Variants in SPOCK3 observed in about 807,000 individuals in gnomAD.
The protein encoded by SPOCK3 is SPARC (osteonectin), cwcv and kazal like domains proteoglycan 3.
SPOCK3 carries 30 observed loss-of-function variants against 56.6 expected under a neutral mutation model. The observed-to-expected ratio is 0.53, with a 90% confidence interval of 0.40 to 0.72. The LOEUF (loss-of-function observed/expected upper bound fraction) is 0.72, where lower values mean the gene tolerates loss of function less well. Ranked by LOEUF, SPOCK3 falls within the 30% of genes least tolerant of loss-of-function variation. The pLI, the probability that SPOCK3 is intolerant of heterozygous loss-of-function variation, is 0.00. For synonymous variants in SPOCK3, 196 were observed against 183.3 expected, an observed-to-expected ratio of 1.07 and a Z score of -0.56; for missense variants, 527 against 530.0, an observed-to-expected ratio of 0.99 and a Z score of 0.06.
At chr4:167,092,603 A>G (rs1758798883) in intron 2 of SPOCK3, among the ~76,000 whole-genome samples, 1 of 152,232 alleles carries the variant, frequency 6.6e-6, no homozygotes, top group Non-Finnish European at 1.5e-5. Flanking sequence ...AAATTACCAG[A>G]ATATCCGAAA....
chr4:167,231,405 G>A (rs895870296), intron 2 of SPOCK3, among the ~76,000 whole-genome samples: 39 of 151,864 alleles, frequency 2.6e-4, no homozygotes, highest in African/African-American at 9.2e-4. Flanking sequence ...TATATTTTAT[G>A]GGAAAAAAGC....
At chr4:167,063,547 T>C (rs1483881202) in intron 2 of SPOCK3, among the ~76,000 whole-genome samples, 2 of 151,882 alleles carry the variant, frequency 1.3e-5, no homozygotes. Context: ...TTTGTATCAA[T>C]GTAAGGGGTA....
chr4:166,914,603 T>C lies in SPOCK3; in HGVS notation c.351-1860A>G, dbSNP rs531577369. Among the ~76,000 whole-genome samples, 14 of 152,138 alleles carry C rather than the reference T, an allele frequency of 9.2e-5. No individual in the cohort carries two copies. The East Asian group carries it at 2.7e-3, about 30-fold the overall frequency. On this transcript the variant is annotated intron_variant, in intron 4 of 10. Transcript: ENST00000357545. Reference sequence around the variant, plus strand: ...CTGACCAACATGGAGAAATCCCGTCTCTACTAAAAATACAAAATTAGCCAG... The same window carrying C: ...CTGACCAACATGGAGAAATCCCGTCCCTACTAAAAATACAAAATTAGCCAG...
At chr4:166,950,256 G>A (rs1270838390) in intron 4 of SPOCK3, among the ~76,000 whole-genome samples, 10 of 151,114 alleles carry the variant, frequency 6.6e-5, no homozygotes, top group African/African-American at 2.4e-4. Context: ...CCAAGCAAAT[G>A]GAAAACAAAA....
chr4:166,800,208 G>GAAAAAAAAAAAAAAAAAAAAAA (rs1207796263), intron 6 of SPOCK3, among the ~76,000 whole-genome samples: 77 of 112,978 alleles, frequency 6.8e-4, no homozygotes, highest in East Asian at 5.8e-3. Context: ...AAAAAAAAAT[G>GAAAAAAAAAAAAAAAAAAAAAA]AAAACATGGA....
chr4:167,094,290 T>C (rs1282674576), intron 2 of SPOCK3, among the ~76,000 whole-genome samples: 1 of 152,118 alleles, frequency 6.6e-6, no homozygotes, highest in Non-Finnish European at 1.5e-5. Flanking sequence ...ATTATTTTCT[T>C]CCTGCTCACT....
intron 2 of SPOCK3, among the ~76,000 whole-genome samples, chr4:167,119,473 T>C (rs1761692470): frequency 6.6e-6 from 1 of 152,168 alleles, no homozygotes; most frequent in Non-Finnish European, 1.5e-5. Context: ...AAATAAGTTC[T>C]GCCAATAAAT....
At chr4:166,948,226 A>G (rs955257923) in intron 4 of SPOCK3, among the ~76,000 whole-genome samples, 1 of 152,082 alleles carries the variant, frequency 6.6e-6, no homozygotes, top group Non-Finnish European at 1.5e-5. Flanking sequence ...TCCATTGTGC[A>G]TATATACCAC....
At chr4:167,024,247 C>T (rs1194157313) in intron 3 of SPOCK3, among the ~76,000 whole-genome samples, 3 of 151,862 alleles carry the variant, frequency 2.0e-5, no homozygotes, top group Non-Finnish European at 4.4e-5. Context: ...CAGTCTTTTC[C>T]CTGACGTTTT....
chr4:166,740,683 G>A (rs534991988), intron 9 of SPOCK3, among the ~76,000 whole-genome samples: 12 of 151,928 alleles, frequency 7.9e-5, no homozygotes, highest in South Asian at 2.1e-4. Flanking sequence ...ACACCACCAC[G>A]CCAGGCTAAT....
At chr4:167,007,493 A>G (rs1272842482) in intron 3 of SPOCK3, among the ~76,000 whole-genome samples, 1 of 151,932 alleles carries the variant, frequency 6.6e-6, no homozygotes, top group Non-Finnish European at 1.5e-5. Flanking sequence ...GAATCCACAG[A>G]TGTGGAGACT....
chr4:166,968,201 G>A (rs987788091), intron 4 of SPOCK3, among the ~76,000 whole-genome samples: 2 of 152,188 alleles, frequency 1.3e-5, no homozygotes, highest in Non-Finnish European at 2.9e-5. Context: ...TTAAAAGGAA[G>A]CAGAGCATAA....
chr4:167,111,165 TTA>T (rs1760871598), intron 2 of SPOCK3, among the ~76,000 whole-genome samples: 1 of 152,076 alleles, frequency 6.6e-6, no homozygotes, highest in South Asian at 2.1e-4. Flanking sequence ...TATGTATACT[TTA>T]TATGAAATTA....
intron 10 of SPOCK3, among the ~76,000 whole-genome samples, chr4:166,735,772 G>T (rs1366285239): frequency 6.6e-6 from 1 of 151,948 alleles, no homozygotes; most frequent in East Asian, 1.9e-4. Flanking sequence ...AGCTTCCAGA[G>T]AGGAGCACCA....
In SPOCK3 at chr4:166,917,443, T is replaced by TA. The variant is rs535007786; in HGVS notation, c.351-4701dup. On this transcript the variant is annotated intron_variant, in intron 4 of 10. Coordinates refer to ENST00000357545, the MANE Select transcript of SPOCK3 (RefSeq NM_001040159.2). ...GGAGGGATGTGGTTGGATTATGACGTAAAAAACCTAAGCTGGCTGAAAAAC... is the reference window on the plus strand; with the variant it reads ...GGAGGGATGTGGTTGGATTATGACGTAAAAAAACCTAAGCTGGCTGAAAAAC... Among the ~76,000 whole-genome samples the TA allele has an allele frequency of 2.4e-4, 36 of 152,224 alleles. No individual in the cohort carries two copies. In the East Asian group the frequency reaches 7.0e-3, roughly 29 times the overall value.
At chr4:167,109,392 TATATATTTATATATAA>T (rs1760652170) in intron 2 of SPOCK3, among the ~76,000 whole-genome samples, 2 of 84,256 alleles carry the variant, frequency 2.4e-5, no homozygotes, top group Admixed American at 2.0e-4. Context: ...AATATATAAA[TATATATTTATATATAA>T]ATATATATAT....
intron 2 of SPOCK3, among the ~76,000 whole-genome samples, chr4:167,125,137 C>T (rs1762155987): frequency 6.6e-6 from 1 of 151,424 alleles, no homozygotes; most frequent in South Asian, 2.1e-4. Context: ...TGTATTTATC[C>T]TTCTTATGGG....
intron 6 of SPOCK3, among the ~76,000 whole-genome samples, chr4:166,860,804 T>TATATATATATATAC: frequency 7.0e-6 from 1 of 141,912 alleles, no homozygotes; most frequent in Non-Finnish European, 1.5e-5. Flanking sequence ...CACAAATTCA[T>TATATATATATATAC]ATATATATAT....
At chr4:166,929,595 A>C (rs554129700) in intron 4 of SPOCK3, among the ~76,000 whole-genome samples, 5 of 152,228 alleles carry the variant, frequency 3.3e-5, no homozygotes, top group African/African-American at 1.2e-4. Flanking sequence ...TTCATCAGAA[A>C]TCTCCCATTT....
Sources: gnomAD v4.1 joint callset for allele counts (sites outside exome capture counted in the v4.1 genomes callset) on GRCh38, gnomAD v4.1.1 for gene constraint, MANE v1.5 for transcripts, NCBI Gene and HGNC (gene_info 2026-07-23, HGNC 2026-07-21) for gene names.